Variants in GLG1 observed in about 807,000 individuals in gnomAD.
GLG1 encodes golgi glycoprotein 1, also known as Golgi apparatus protein 1.
GLG1 carries 38 observed loss-of-function variants against 160.5 expected under a neutral mutation model. That is an observed-to-expected ratio of 0.24 (90% confidence interval 0.18 to 0.31). The LOEUF (loss-of-function observed/expected upper bound fraction) is 0.31, where lower values mean the gene tolerates loss of function less well. Among genes scored for constraint, GLG1 ranks in the 10% least tolerant of loss-of-function variants. The pLI, the probability that GLG1 is intolerant of heterozygous loss-of-function variation, is 1.00. For synonymous variants in GLG1, 644 were observed against 543.4 expected, an observed-to-expected ratio of 1.19 and a Z score of -2.57; for missense variants, 1,373 against 1,505.2, an observed-to-expected ratio of 0.91 and a Z score of 1.45.
chr16:74,495,708 G>T (rs950887135), intron 5 of GLG1, among the ~76,000 whole-genome samples: 1 of 152,144 alleles, frequency 6.6e-6, no homozygotes, highest in Non-Finnish European at 1.5e-5. Flanking sequence ...TTTAGCCATT[G>T]AATAGATGTA....
At chr16:74,530,628 T>C (rs1326735129) in intron 2 of GLG1, among the ~76,000 whole-genome samples, 4 of 151,988 alleles carry the variant, frequency 2.6e-5, no homozygotes, top group Non-Finnish European at 5.9e-5. Context: ...TACTGTGTAT[T>C]TATCCTTTTT....
In GLG1 at chr16:74,496,528, C is replaced by G. The variant is rs1433514740; in HGVS notation, c.891G>C (p.Arg297=). The G allele has an allele frequency of 1.2e-6, 2 of 1,613,322 alleles. No homozygotes were observed. Among genetic ancestry groups the G allele is most frequent in the African/African-American group, 1.3e-5 (1 of 74,866 alleles). ...AGTCATCCGATGACAGCTCAGCCACCCGGAGAATGGCTTTCTTGCAGAGTT... is the reference window on the plus strand; with the variant it reads ...AGTCATCCGATGACAGCTCAGCCACGCGGAGAATGGCTTTCTTGCAGAGTT... The part of the protein sequence containing the change: ...VSELCKKAIL[R]VAELSSDDFH... The change falls in exon 5 of 26, where the codon CGG becomes CGC. Residue 297 remains arginine (R), a synonymous_variant. Coordinates refer to ENST00000422840, the MANE Select transcript of GLG1 (RefSeq NM_001145667.2).
At chr16:74,501,376 A>G (rs2016399164) in intron 4 of GLG1, among the ~76,000 whole-genome samples, 1 of 152,244 alleles carries the variant, frequency 6.6e-6, no homozygotes, top group South Asian at 2.1e-4. Context: ...TGGTAGACAT[A>G]CTGAAAGATT....
intron 1 of GLG1, among the ~76,000 whole-genome samples, chr16:74,542,998 T>C (rs2017946139): frequency 6.6e-6 from 1 of 152,024 alleles, no homozygotes; most frequent in African/African-American, 2.4e-5. Context: ...TGAAATTAAA[T>C]ATAATTTCTC....
At chr16:74,592,681 T>G (rs1247591041) in intron 1 of GLG1, among the ~76,000 whole-genome samples, 2 of 152,194 alleles carry the variant, frequency 1.3e-5, no homozygotes, top group Non-Finnish European at 2.9e-5. Flanking sequence ...GAGCTAGGGT[T>G]TGAATCCAGG....
At chr16:74,590,959 A>T (rs1225423765) in intron 1 of GLG1, among the ~76,000 whole-genome samples, 5 of 151,948 alleles carry the variant, frequency 3.3e-5, no homozygotes, top group Middle Eastern at 3.4e-3. Context: ...AAAAAAAAAA[A>T]AATTAAAATA....
In GLG1 at chr16:74,522,827, G is replaced by T. The variant is rs535168154; in HGVS notation, c.471+9294C>A. 2.6e-5 allele frequency among the ~76,000 whole-genome samples: 4 copies of T among 152,212 alleles called. No individual in the cohort carries two copies. The South Asian group carries it at 8.3e-4, about 32-fold the overall frequency. On this transcript the variant is annotated intron_variant, in intron 2 of 25. Coordinates refer to ENST00000422840, the MANE Select transcript of GLG1 (RefSeq NM_001145667.2). Reference sequence around the variant, plus strand: ...GTCTCCAAAGTAGCTGGGACCACAGGCCTGCATCACCACACCCAGCTAATT... The same window carrying T: ...GTCTCCAAAGTAGCTGGGACCACAGTCCTGCATCACCACACCCAGCTAATT...
chr16:74,462,955 A>AG, intron 20 of GLG1: 1 of 420,846 alleles, frequency 2.4e-6, no homozygotes, highest in East Asian at 4.7e-5. Flanking sequence ...AACACTGAAA[A>AG]AGAAATACAA....
chr16:74,512,974 A>G (rs753120853), intron 2 of GLG1, among the ~76,000 whole-genome samples: 14 of 152,164 alleles, frequency 9.2e-5, no homozygotes, highest in African/African-American at 3.4e-4. Flanking sequence ...TAAGTGTACA[A>G]AAGTAGAAAG....
intron 2 of GLG1, among the ~76,000 whole-genome samples, chr16:74,525,122 T>G (rs1354217666): frequency 6.6e-6 from 1 of 152,310 alleles, no homozygotes; most frequent in East Asian, 1.9e-4. Context: ...TATGTACACA[T>G]TTTTGTGTGA....
At chr16:74,513,933 G>C (rs1213428088) in intron 2 of GLG1, among the ~76,000 whole-genome samples, 1 of 152,176 alleles carries the variant, frequency 6.6e-6, no homozygotes, top group African/African-American at 2.4e-5. Flanking sequence ...AACCAGTGTA[G>C]AGAAGAGCTT....
At chr16:74,605,703 T>C (rs1958550283) in intron 1 of GLG1, among the ~76,000 whole-genome samples, 1 of 152,140 alleles carries the variant, frequency 6.6e-6, no homozygotes, top group Admixed American at 6.6e-5. Context: ...GCAAGTGGTC[T>C]TGCTATAGCT....
intron 9 of GLG1, among the ~76,000 whole-genome samples, chr16:74,483,337 C>CTT (rs2015674109): frequency 6.6e-6 from 1 of 152,182 alleles, no homozygotes; most frequent in South Asian, 2.1e-4. Flanking sequence ...ACTATGCATG[C>CTT]ACAAGGGCAG....
chr16:74,563,382 T>C (rs879812686), intron 1 of GLG1: 1 of 152,182 alleles, frequency 6.6e-6, no homozygotes, highest in Non-Finnish European at 1.5e-5. Context: ...ATGGCCTTCA[T>C]TGTTAGGTCA....
At chr16:74,470,391 TTCCC>T (rs999079803) in intron 15 of GLG1, among the ~76,000 whole-genome samples, 8 of 140,640 alleles carry the variant, frequency 5.7e-5, no homozygotes, top group Non-Finnish European at 9.4e-5. Context: ...CCTTCCTTCC[TTCCC>T]TCCCTCCTTC....
chr16:74,471,568 C>A (rs111817450), intron 14 of GLG1, among the ~76,000 whole-genome samples: 5 of 152,218 alleles, frequency 3.3e-5, no homozygotes, highest in African/African-American at 1.2e-4. Flanking sequence ...ACATAGCCTC[C>A]CAACTGTCAG....
intron 8 of GLG1, 48 bp from the exon 9 acceptor site, chr16:74,485,965 T>C (rs759516018): frequency 6.6e-6 from 10 of 1,512,514 alleles, no homozygotes; most frequent in Non-Finnish European, 9.1e-6. Flanking sequence ...ACTTAGGTGC[T>C]AGGTAAGAGC....
intron 3 of GLG1, among the ~76,000 whole-genome samples, chr16:74,506,762 G>C (rs911896719): frequency 1.3e-4 from 20 of 152,042 alleles, no homozygotes; most frequent in African/African-American, 4.8e-4. Flanking sequence ...GTGTTAGAAT[G>C]AGAAGTTTGC....
At position 74,485,831 on chromosome 16, in the gene GLG1, C is replaced by A. The variant is rs760204175; in HGVS notation, c.1536G>T (p.Gln512His). Residue 512 changes from glutamine (Q) to histidine (H), a missense_variant, in exon 9 of 26, where the codon CAG becomes CAT. Around this residue, in one of 4 missense-constraint regions of GLG1, gnomAD observed 386 missense variants for 388.5 expected, o/e 0.99. Transcript: ENST00000422840. ...ALNEACESVI[Q>H]TACKHIRSGD... ...CAGATCTTATATGTTTGCAGGCTGT[C>A]TGGATTACAGATTCACAAGCTTCAT... The A allele has an allele frequency of 1.9e-6, 3 of 1,613,370 alleles. No homozygotes were observed. Among genetic ancestry groups the A allele is most frequent in the Non-Finnish European group, 1.7e-6 (2 of 1,179,346 alleles).
Sources: allele counts gnomAD v4.1 joint callset (sites outside exome capture counted in the v4.1 genomes callset), GRCh38; gene constraint gnomAD v4.1.1; regional missense constraint gnomAD v4.1.1; transcripts MANE v1.5; gene names NCBI Gene and HGNC (gene_info 2026-07-23, HGNC 2026-07-21).